SLC24A2: variants seen among roughly 807,000 people sequenced by gnomAD.
SLC24A2 encodes sodium/potassium/calcium exchanger 2.
In SLC24A2, 36 loss-of-function variants were observed where a neutral mutation model predicts 62.0. That is an observed-to-expected ratio of 0.58 (90% CI 0.44 to 0.77). The LOEUF is 0.77. Among genes scored for constraint, SLC24A2 ranks in the 30% least tolerant of loss-of-function variants. SLC24A2 has a pLI of 0.00. For missense variants in SLC24A2, 846 were observed against 817.9 expected (o/e 1.03, Z -0.42); for synonymous variants, 358 against 294.0 (o/e 1.22, Z -2.23).
chr9:19,835,979 G>A, the SLC24A2 span, among the ~76,000 whole-genome samples: 3 of 152,134 alleles, frequency 2.0e-5, no homozygotes, highest in African/African-American at 7.2e-5. Flanking sequence ...AATGACTACT[G>A]GGTACATAAC....
At chr9:20,078,590 G>A in the SLC24A2 span, among the ~76,000 whole-genome samples, 1 of 152,078 alleles carries the variant, frequency 6.6e-6, no homozygotes, top group Non-Finnish European at 1.5e-5. Flanking sequence ...ACCCAGGCAG[G>A]CCATGACTGT....
At chr9:20,083,033 G>A in the SLC24A2 span, among the ~76,000 whole-genome samples, 1 of 152,192 alleles carries the variant, frequency 6.6e-6, no homozygotes, top group Non-Finnish European at 1.5e-5. Context: ...ACCATTCAGT[G>A]TCATACTACA....
At chr9:19,543,749 T>G (rs923643117) in intron 8 of SLC24A2, among the ~76,000 whole-genome samples, 2 of 152,168 alleles carry the variant, frequency 1.3e-5, no homozygotes, top group African/African-American at 2.4e-5. Flanking sequence ...TTTGAGTGAG[T>G]TTCTTAATCC....
At chr9:20,229,233 T>G in the SLC24A2 span, among the ~76,000 whole-genome samples, 4 of 152,184 alleles carry the variant, frequency 2.6e-5, no homozygotes, top group African/African-American at 9.7e-5. Context: ...TGGAGTCTGA[T>G]GCCCAAGGTT....
chr9:19,721,330 C>T (rs564158361), intron 2 of SLC24A2, among the ~76,000 whole-genome samples: 1 of 152,224 alleles, frequency 6.6e-6, no homozygotes, highest in Admixed American at 6.5e-5. Context: ...CCCTTTTCAT[C>T]ATAAATATTC....
the SLC24A2 span, among the ~76,000 whole-genome samples, chr9:19,896,163 G>A: frequency 7.9e-5 from 12 of 152,266 alleles, no homozygotes; most frequent in African/African-American, 1.2e-4. Context: ...CGTTTTGCTC[G>A]GAAGGCAAGA....
intron 5 of SLC24A2, among the ~76,000 whole-genome samples, chr9:19,587,260 T>C (rs1417210519): frequency 1.3e-5 from 2 of 152,208 alleles, no homozygotes; most frequent in East Asian, 1.9e-4. Context: ...ATTCTTTCTT[T>C]TGAGGAACCT....
At chr9:19,940,604 C>T in the SLC24A2 span, among the ~76,000 whole-genome samples, 9 of 152,244 alleles carry the variant, frequency 5.9e-5, no homozygotes, top group East Asian at 1.4e-3. Context: ...ATCTGTTTTC[C>T]TACTGTGCTT....
chr9:19,659,563 A>C (rs952192216), intron 2 of SLC24A2, among the ~76,000 whole-genome samples: 2 of 152,174 alleles, frequency 1.3e-5, no homozygotes, highest in Non-Finnish European at 2.9e-5. Flanking sequence ...GGTAAAACTC[A>C]AACGCTTATC....
chr9:19,865,315 C>A, the SLC24A2 span, among the ~76,000 whole-genome samples: 1 of 151,986 alleles, frequency 6.6e-6, no homozygotes, highest in African/African-American at 2.4e-5. Context: ...ACATTCTTCA[C>A]AGAAATAGAA....
the SLC24A2 span, among the ~76,000 whole-genome samples, chr9:20,038,396 G>T: frequency 6.6e-6 from 1 of 152,186 alleles, no homozygotes. Context: ...CAATACCCCA[G>T]TAAGGACCTT....
chr9:19,693,633 A>G (rs1820103969), intron 2 of SLC24A2, among the ~76,000 whole-genome samples: 1 of 152,104 alleles, frequency 6.6e-6, no homozygotes, highest in South Asian at 2.1e-4. Flanking sequence ...AGAAAAGGAC[A>G]TCGACAAGAC....
At chr9:19,550,301 C>A (rs768502055) in intron 7 of SLC24A2, 33 bp from the exon 8 acceptor site, 1 of 1,609,702 alleles carries the variant, frequency 6.2e-7, no homozygotes, top group Non-Finnish European at 8.5e-7. Context: ...ATTAAACAAA[C>A]AAAAAAATAA....
At chr9:19,729,927 C>A (rs1403468834) in intron 2 of SLC24A2, among the ~76,000 whole-genome samples, 1 of 151,834 alleles carries the variant, frequency 6.6e-6, no homozygotes, top group African/African-American at 2.4e-5. Context: ...TGTTAATTAC[C>A]CTGATCTGAT....
the SLC24A2 span, among the ~76,000 whole-genome samples, chr9:20,120,344 G>T: frequency 6.6e-6 from 1 of 152,150 alleles, no homozygotes; most frequent in East Asian, 1.9e-4. Flanking sequence ...AGAAAATGTG[G>T]TACATGTACA....
chr9:19,948,606 C>T, the SLC24A2 span, among the ~76,000 whole-genome samples: 2 of 151,988 alleles, frequency 1.3e-5, no homozygotes, highest in African/African-American at 4.8e-5. Flanking sequence ...GCCTGTAATC[C>T]CAGCACTTTG....
At chr9:19,898,354 C>T in the SLC24A2 span, among the ~76,000 whole-genome samples, 1 of 152,202 alleles carries the variant, frequency 6.6e-6, no homozygotes, top group Admixed American at 6.5e-5. Flanking sequence ...TTTCTGTTGA[C>T]TTTGGCTGCT....
chr9:20,030,565 C>G, the SLC24A2 span, among the ~76,000 whole-genome samples: 1 of 152,198 alleles, frequency 6.6e-6, no homozygotes, highest in Admixed American at 6.5e-5. Context: ...TGCCTATGAT[C>G]TTCTGGGACT....
the SLC24A2 span, among the ~76,000 whole-genome samples, chr9:19,820,056 CACATATATATAT>C: frequency 3.3e-3 from 68 of 20,726 alleles, 1 homozygote; most frequent in African/African-American, 5.7e-3. Flanking sequence ...TATATATATA[CACATATATATAT>C]ATATATATAT....
Sources: allele counts gnomAD v4.1 joint callset (sites outside exome capture counted in the v4.1 genomes callset), GRCh38; gene constraint gnomAD v4.1.1; transcripts MANE v1.5; gene names NCBI Gene and HGNC (gene_info 2026-07-23, HGNC 2026-07-21).